The following PTPRD variants were observed in gnomAD, a reference collection of about 807,000 sequenced individuals.
PTPRD encodes the protein protein tyrosine phosphatase receptor type D.
In PTPRD, 34 loss-of-function variants were observed where a neutral mutation model predicts 214.5. The ratio of observed to expected loss-of-function variants is 0.16; its 90% confidence interval spans 0.12 to 0.21. The LOEUF (loss-of-function observed/expected upper bound fraction) is 0.21, where lower values mean the gene tolerates loss of function less well. Ranked by LOEUF, PTPRD falls within the 10% of genes least tolerant of loss-of-function variation. The probability of loss-of-function intolerance (pLI) is 1.00; values close to 1 mark genes in which losing one functional copy is unlikely to be tolerated. For missense variants in PTPRD, 2,545 were observed against 2,398.7 expected (o/e 1.06, Z -1.27); for synonymous variants, 1,128 against 845.7 (o/e 1.33, Z -5.79).
At chr9:9,803,760 A>C (rs2099056305) in intron 5 of PTPRD, 1 of 152,040 alleles carries the variant, frequency 6.6e-6, no homozygotes, top group Non-Finnish European at 1.5e-5. Flanking sequence ...TGTGATTATT[A>C]AAGGTAAAAA....
chr9:8,751,709 T>C (rs967727002), intron 11 of PTPRD, among the ~76,000 whole-genome samples: 4 of 152,240 alleles, frequency 2.6e-5, no homozygotes, highest in South Asian at 2.1e-4. Context: ...TCCTCCATTA[T>C]TGAAGCAAGG....
intron 9 of PTPRD, among the ~76,000 whole-genome samples, chr9:9,260,520 T>C (rs1345360875): frequency 6.6e-6 from 1 of 151,912 alleles, no homozygotes; most frequent in Non-Finnish European, 1.5e-5. Flanking sequence ...GGCTAGTTTT[T>C]CTCTCCTCCT....
At chr9:9,637,816 G>A (rs1460519162) in intron 7 of PTPRD, among the ~76,000 whole-genome samples, 1 of 152,158 alleles carries the variant, frequency 6.6e-6, no homozygotes, top group African/African-American at 2.4e-5. Flanking sequence ...GCACTGTGTG[G>A]CAGTTCCACC....
intron 3 of PTPRD, among the ~76,000 whole-genome samples, chr9:10,316,896 G>A (rs2096449468): frequency 6.6e-6 from 1 of 151,886 alleles, no homozygotes; most frequent in African/African-American, 2.4e-5. Context: ...TAGGCTGAGT[G>A]TTTTAACTAT....
chr9:9,367,069 C>A (rs191866166), intron 9 of PTPRD, among the ~76,000 whole-genome samples: 2 of 150,870 alleles, frequency 1.3e-5, no homozygotes, highest in African/African-American at 2.4e-5. Context: ...AAATAAAAAC[C>A]CTTTGTCCCA....
intron 2 of PTPRD, among the ~76,000 whole-genome samples, chr9:10,389,502 G>A (rs896955045): frequency 6.6e-6 from 1 of 151,782 alleles, no homozygotes; most frequent in African/African-American, 2.4e-5. Context: ...TGTTCCCTTT[G>A]TTTCACATAG....
chr9:10,351,669 T>C (rs928929090), intron 2 of PTPRD, among the ~76,000 whole-genome samples: 70 of 151,918 alleles, frequency 4.6e-4, no homozygotes, highest in African/African-American at 1.7e-3. Flanking sequence ...CTAACTTTTT[T>C]TTTTTTTTAA....
chr9:8,763,269 T>C (rs1366353453), intron 11 of PTPRD, among the ~76,000 whole-genome samples: 1 of 152,144 alleles, frequency 6.6e-6, no homozygotes, highest in African/African-American at 2.4e-5. Flanking sequence ...CCCAGCACTT[T>C]GGGAGGCCGA....
chr9:9,517,159 T>G (rs2096858131), intron 8 of PTPRD, among the ~76,000 whole-genome samples: 1 of 152,108 alleles, frequency 6.6e-6, no homozygotes, highest in Admixed American at 6.6e-5. Context: ...ATTTATTTAT[T>G]CTCATAACTT....
At chr9:9,512,319 G>T (rs534578745) in intron 8 of PTPRD, among the ~76,000 whole-genome samples, 1 of 151,900 alleles carries the variant, frequency 6.6e-6, no homozygotes, top group South Asian at 2.1e-4. Flanking sequence ...ATTTTTCTGG[G>T]TATATGAGTA....
rs2099061632 is a variant in PTPRD at position 10,151,581 on chromosome 9, C to CT, written c.-544-117792dup. On this transcript the variant is annotated intron_variant, in intron 3 of 45. Coordinates refer to ENST00000381196, the MANE Select transcript of PTPRD (RefSeq NM_002839.4). ...CAATCTTTTTTGCTAACTTTTAAAT[C>CT]TTTTTTAAAAATTAAAGTTTAACTT... is the stretch of plus-strand genomic sequence containing the variant. Among the ~76,000 whole-genome samples, 3 of 151,796 alleles carry CT rather than the reference C, an allele frequency of 2.0e-5. 1 individual carries two copies. In the Admixed American group the frequency reaches 2.0e-4, roughly 10 times the overall value.
intron 7 of PTPRD, among the ~76,000 whole-genome samples, chr9:9,633,676 G>T (rs967559672): frequency 6.6e-6 from 1 of 152,122 alleles, no homozygotes; most frequent in African/African-American, 2.4e-5. Context: ...ATTTTCTAAA[G>T]GTTGTAGGTT....
intron 10 of PTPRD, among the ~76,000 whole-genome samples, chr9:9,173,226 C>T (rs1437232907): frequency 6.6e-6 from 1 of 152,150 alleles, no homozygotes; most frequent in Non-Finnish European, 1.5e-5. Context: ...AAGTCACCTA[C>T]TCAGTTCAAA....
chr9:10,468,518 G>A (rs997471417), intron 2 of PTPRD, among the ~76,000 whole-genome samples: 3 of 152,234 alleles, frequency 2.0e-5, no homozygotes, highest in African/African-American at 7.2e-5. Flanking sequence ...GGCCAGGGGA[G>A]GGATAGCATT....
intron 9 of PTPRD, among the ~76,000 whole-genome samples, chr9:9,275,199 T>TATAATATATATGTTATATATA (rs1491465404): frequency 3.5e-3 from 36 of 10,398 alleles, no homozygotes; most frequent in African/African-American, 8.0e-3. Context: ...TATATATATA[T>TATAATATATATGTTATATATA]TATATATATA....
chr9:10,207,921 T>C (rs1342706713), intron 3 of PTPRD, among the ~76,000 whole-genome samples: 1 of 152,228 alleles, frequency 6.6e-6, no homozygotes, highest in Non-Finnish European at 1.5e-5. Context: ...CCTATGTTGC[T>C]ACATTTAGCA....
At chr9:9,251,244 G>C (rs2099975365) in intron 9 of PTPRD, among the ~76,000 whole-genome samples, 1 of 152,032 alleles carries the variant, frequency 6.6e-6, no homozygotes, top group Admixed American at 6.6e-5. Context: ...GCATCATTGT[G>C]AGATTGACTG....
At chr9:8,588,794 G>A (rs2093873454) in intron 14 of PTPRD, among the ~76,000 whole-genome samples, 1 of 152,068 alleles carries the variant, frequency 6.6e-6, no homozygotes, top group Non-Finnish European at 1.5e-5. Flanking sequence ...TCATCAACCA[G>A]CAGAAATAAG....
At chr9:9,386,187 G>A (rs1318134855) in intron 9 of PTPRD, among the ~76,000 whole-genome samples, 2 of 152,092 alleles carry the variant, frequency 1.3e-5, no homozygotes, top group Admixed American at 6.6e-5. Context: ...CCAATGACAT[G>A]CATCTTCTAG....
Sources: allele counts gnomAD v4.1 joint callset (sites outside exome capture counted in the v4.1 genomes callset), GRCh38; gene constraint gnomAD v4.1.1; transcripts MANE v1.5; gene names NCBI Gene and HGNC (gene_info 2026-07-23, HGNC 2026-07-21).